The following PTPRD variants were observed in gnomAD, a reference collection of about 807,000 sequenced individuals.
The protein encoded by PTPRD is receptor-type tyrosine-protein phosphatase delta.
Under a neutral mutation model 214.5 loss-of-function variants are expected in PTPRD, and 34 were observed. The observed-to-expected ratio is 0.16, with a 90% CI of 0.12 to 0.21. The LOEUF (loss-of-function observed/expected upper bound fraction) is 0.21. Among genes scored for constraint, PTPRD ranks in the 10% least tolerant of loss-of-function variants. The pLI is 1.00. For missense variants in PTPRD, 2,545 were observed against 2,398.7 expected (o/e 1.06, Z -1.27); for synonymous variants, 1,128 against 845.7 (o/e 1.33, Z -5.79).
intron 39 of PTPRD, among the ~76,000 whole-genome samples, chr9:8,355,665 T>C (rs2076804619): frequency 6.6e-6 from 1 of 152,212 alleles, no homozygotes; most frequent in South Asian, 2.1e-4. Flanking sequence ...GAGATTCCTC[T>C]TCTATGTATC....
chr9:8,513,337 C>G (rs995827368), intron 21 of PTPRD, among the ~76,000 whole-genome samples: 4 of 151,950 alleles, frequency 2.6e-5, no homozygotes, highest in Non-Finnish European at 5.9e-5. Flanking sequence ...TACATCAATC[C>G]TTCACTTATG....
chr9:10,523,253 G>GT (rs1384642632), intron 2 of PTPRD, among the ~76,000 whole-genome samples: 1 of 151,888 alleles, frequency 6.6e-6, no homozygotes, highest in Non-Finnish European at 1.5e-5. Flanking sequence ...ATGAAATCAC[G>GT]TAACAAATGC....
intron 4 of PTPRD, among the ~76,000 whole-genome samples, chr9:9,945,818 C>A (rs1292725573): frequency 6.6e-6 from 1 of 152,100 alleles, no homozygotes; most frequent in Non-Finnish European, 1.5e-5. Context: ...AGACCATGTT[C>A]TCTGACCATA....
chr9:10,383,902 T>A (rs886837032), intron 2 of PTPRD, among the ~76,000 whole-genome samples: 3 of 151,700 alleles, frequency 2.0e-5, no homozygotes, highest in Non-Finnish European at 4.4e-5. Flanking sequence ...AAACAATTTA[T>A]CTATCTTAAG....
chr9:10,208,689 G>C (rs1436253517), intron 3 of PTPRD, among the ~76,000 whole-genome samples: 1 of 152,088 alleles, frequency 6.6e-6, no homozygotes, highest in Non-Finnish European at 1.5e-5. Flanking sequence ...CTGAATTTTT[G>C]TCAATATAAG....
Position 9,991,456 on chromosome 9 carries a change from G to A in PTPRD, c.-472+42262C>T, listed in dbSNP as rs549199269. Among the ~76,000 whole-genome samples, 20 of 151,630 alleles carry A rather than the reference G, an allele frequency of 1.3e-4. No homozygotes were observed. The East Asian group carries it at 3.7e-3, about 28-fold the overall frequency. ...AGCTCACTGCAACCACCGCCTCCCA[G>A]GTTCAAGCAATTCTCCTGCCTCAGC... On this transcript the variant is annotated intron_variant, in intron 4 of 45. Coordinates refer to ENST00000381196, the MANE Select transcript of PTPRD (RefSeq NM_002839.4).
chr9:9,941,026 G>C (rs986246615), intron 4 of PTPRD, among the ~76,000 whole-genome samples: 6 of 151,958 alleles, frequency 3.9e-5, no homozygotes, highest in African/African-American at 1.2e-4. Context: ...AGTTGTCTTG[G>C]GCTACACATA....
chr9:10,208,979 G>A (rs916786468), intron 3 of PTPRD, among the ~76,000 whole-genome samples: 4 of 152,096 alleles, frequency 2.6e-5, no homozygotes, highest in Non-Finnish European at 5.9e-5. Flanking sequence ...AAAGAGCTAA[G>A]AGTTCAGTTT....
intron 30 of PTPRD, among the ~76,000 whole-genome samples, chr9:8,483,469 G>A (rs1182461316): frequency 6.6e-6 from 1 of 151,952 alleles, no homozygotes; most frequent in African/African-American, 2.4e-5. Flanking sequence ...ATGCTTTGTA[G>A]TAGCCGGGCG....
At chr9:10,047,337 TGC>T (rs753350611) in intron 3 of PTPRD, among the ~76,000 whole-genome samples, 3,222 of 144,118 alleles carry the variant, frequency 0.022, 40 homozygotes, top group South Asian at 0.043. Context: ...TGTGTGTGTG[TGC>T]GTGTGTGTGT....
intron 2 of PTPRD, among the ~76,000 whole-genome samples, chr9:10,349,656 A>C (rs1307748898): frequency 6.6e-6 from 1 of 152,212 alleles, no homozygotes; most frequent in Non-Finnish European, 1.5e-5. Flanking sequence ...GGTCATTTTC[A>C]TTTCATAATA....
chr9:8,807,264 G>A (rs1171155294), intron 11 of PTPRD, among the ~76,000 whole-genome samples: 1 of 152,082 alleles, frequency 6.6e-6, no homozygotes, highest in African/African-American at 2.4e-5. Flanking sequence ...TTGAACCCGG[G>A]AGGCAGAGGT....
intron 10 of PTPRD, among the ~76,000 whole-genome samples, chr9:9,058,472 A>C (rs377679341): frequency 4.4e-5 from 1 of 22,494 alleles, no homozygotes; most frequent in African/African-American, 6.7e-5. Flanking sequence ...TTTTTTTGAG[A>C]CGGAGTCTCG....
At chr9:9,885,912 A>T (rs1486207832) in intron 5 of PTPRD, among the ~76,000 whole-genome samples, 3 of 152,050 alleles carry the variant, frequency 2.0e-5, no homozygotes, top group Non-Finnish European at 4.4e-5. Context: ...GCCTATCTGA[A>T]AGAGATCTGT....
At chr9:9,275,155 A>ATATATAT (rs1944887530) in intron 9 of PTPRD, among the ~76,000 whole-genome samples, 1 of 60,954 alleles carries the variant, frequency 1.6e-5, no homozygotes, top group African/African-American at 8.5e-5. Flanking sequence ...ATAATATATT[A>ATATATAT]TATATATAAC....
intron 8 of PTPRD, among the ~76,000 whole-genome samples, chr9:9,410,433 A>C (rs1413664699): frequency 2.0e-5 from 3 of 152,200 alleles, no homozygotes; most frequent in Non-Finnish European, 4.4e-5. Context: ...TCCTATGTCC[A>C]GCTTACATTG....
At chr9:9,879,167 GA>G (rs1565958930) in intron 5 of PTPRD, among the ~76,000 whole-genome samples, 1 of 152,196 alleles carries the variant, frequency 6.6e-6, no homozygotes, top group Non-Finnish European at 1.5e-5. Context: ...AAGGACTAGA[GA>G]AATTGTAATC....
chr9:9,863,679 T>C (rs925989923), intron 5 of PTPRD, among the ~76,000 whole-genome samples: 2 of 152,086 alleles, frequency 1.3e-5, no homozygotes, highest in Non-Finnish European at 2.9e-5. Flanking sequence ...CCCTCTTACG[T>C]CACTGAAATA....
intron 11 of PTPRD, among the ~76,000 whole-genome samples, chr9:8,793,893 G>C (rs2096318671): frequency 6.6e-6 from 1 of 152,152 alleles, no homozygotes; most frequent in African/African-American, 2.4e-5. Flanking sequence ...TCTCAAAACT[G>C]AAGGCTATCA....
Sources: gnomAD v4.1 joint callset for allele counts (sites outside exome capture counted in the v4.1 genomes callset) on GRCh38, gnomAD v4.1.1 for gene constraint, MANE v1.5 for transcripts, NCBI Gene and HGNC (gene_info 2026-07-23, HGNC 2026-07-21) for gene names.